CDC14A: variants seen among roughly 807,000 people sequenced by gnomAD.
The protein encoded by CDC14A is cell division cycle 14A.
Under a neutral mutation model 74.4 loss-of-function variants are expected in CDC14A, and 53 were observed. The observed-to-expected ratio is 0.71, with a 90% CI of 0.57 to 0.89. The LOEUF (loss-of-function observed/expected upper bound fraction) is 0.89, where lower values mean the gene tolerates loss of function less well. Ranked by LOEUF, CDC14A falls within the 40% of genes least tolerant of loss-of-function variation. The pLI, the probability that CDC14A is intolerant of heterozygous loss-of-function variation, is 0.00. For missense variants in CDC14A, 646 were observed against 713.7 expected, an observed-to-expected ratio of 0.91 and a Z score of 1.08; for synonymous variants, 247 against 258.4, an observed-to-expected ratio of 0.96 and a Z score of 0.43.
chr1:100,355,678 T>G (rs1651780678), intron 2 of CDC14A, among the ~76,000 whole-genome samples: 1 of 152,186 alleles, frequency 6.6e-6, no homozygotes, highest in Admixed American at 6.5e-5. Flanking sequence ...GAACTTACCC[T>G]ACTGTGCCAC....
chr1:100,399,355 G>A (rs1466828603), intron 4 of CDC14A, among the ~76,000 whole-genome samples: 1 of 151,836 alleles, frequency 6.6e-6, no homozygotes, highest in Non-Finnish European at 1.5e-5. Flanking sequence ...TTCTTTTCGT[G>A]GATTTTTGTC....
At chr1:100,377,758 A>G (rs1042491136) in intron 3 of CDC14A, 137 bp downstream of exon 3, 1 of 606,452 alleles carries the variant, frequency 1.6e-6, no homozygotes, top group Non-Finnish European at 2.9e-6. Flanking sequence ...GTTCACCTAG[A>G]GTTTGAAAGT....
chr1:100,499,216 C>A lies in CDC14A; in HGVS notation c.1709C>A (p.Thr570Asn). 3 of 1,614,204 alleles carry A rather than the reference C, an allele frequency of 1.9e-6. No homozygotes were observed. Among genetic ancestry groups the A allele is most frequent in the Non-Finnish European group, 2.5e-6 (3 of 1,180,030 alleles). ...ACCACCATCCTCCGACCCTCCTACACCGGGCTTTCTTCTTCTTCAGCGAGA... is the reference window on the plus strand; with the variant it reads ...ACCACCATCCTCCGACCCTCCTACAACGGGCTTTCTTCTTCTTCAGCGAGA... ...EHTTILRPSY[T>N]GLSSSSARFL... is the part of the protein sequence containing the mutation. The change falls in exon 15 of 16, where the codon ACC becomes AAC. Residue 570 changes from threonine (T) to asparagine (N), a missense_variant. Coordinates refer to ENST00000336454, the MANE Select transcript of CDC14A (RefSeq NM_003672.4).
At chr1:100,505,081 G>A (rs947272100) in intron 15 of CDC14A, 2 of 770,006 alleles carry the variant, frequency 2.6e-6, no homozygotes, top group African/African-American at 1.8e-5. Context: ...ATTTCAAAAA[G>A]TTCTTTTATA....
chr1:100,396,494 C>T (rs557557069), intron 4 of CDC14A, among the ~76,000 whole-genome samples: 13 of 152,198 alleles, frequency 8.5e-5, no homozygotes, highest in South Asian at 4.1e-4. Context: ...TGAAGTTGGA[C>T]GTAAGGTATA....
chr1:100,484,531 C>T, intron 11 of CDC14A, 80 bp downstream of exon 11: 1 of 1,401,620 alleles, frequency 7.1e-7, no homozygotes, highest in Non-Finnish European at 9.3e-7. Flanking sequence ...TATAACATAG[C>T]AGTGTCTTTT....
At chr1:100,345,352 T>C (rs974091899) in intron 1 of CDC14A, 1 of 152,224 alleles carries the variant, frequency 6.6e-6, no homozygotes, top group African/African-American at 2.4e-5. Flanking sequence ...TTAATATAAA[T>C]GCTAGGCTGT....
chr1:100,435,991 T>C (rs1664285358), intron 5 of CDC14A, among the ~76,000 whole-genome samples: 1 of 152,224 alleles, frequency 6.6e-6, no homozygotes, highest in Non-Finnish European at 1.5e-5. Context: ...GTTTAAATTC[T>C]GTTGGAAAGG....
At position 100,519,534 on chromosome 1, in the gene CDC14A, A is replaced by G. The variant is rs747469584; in HGVS notation, c.*1254A>G. 3 of 152,376 alleles carry G rather than the reference A, an allele frequency of 2.0e-5. No individual in the cohort carries two copies. Among genetic ancestry groups the G allele is most frequent in the Non-Finnish European group, 4.4e-5 (3 of 68,000 alleles). The allele number at this position is 152,376 out of a possible 1,614,324, so 9.4% of individuals were successfully genotyped here. On this transcript the variant is annotated 3_prime_UTR_variant, in exon 16 of 16. Transcript: ENST00000336454. ...GAAAGTGCTAGTTAAATGGATTCAT[A>G]TGAAGTGCTTTACTCCCAACCATTG...
intron 4 of CDC14A, among the ~76,000 whole-genome samples, chr1:100,416,802 C>CG (rs1661588065): frequency 6.6e-6 from 1 of 152,160 alleles, no homozygotes; most frequent in Admixed American, 6.5e-5. Flanking sequence ...TTCTTCCCGA[C>CG]AAACAACCTT....
intron 4 of CDC14A, among the ~76,000 whole-genome samples, chr1:100,394,547 A>G (rs900856082): frequency 5.9e-5 from 9 of 152,334 alleles, no homozygotes; most frequent in Admixed American, 2.0e-4. Context: ...ACTCTGTGAC[A>G]AAATATGTCT....
Position 100,352,927 on chromosome 1 carries a change from GC to G in CDC14A, c.-25del. ...AGTGACTTCAGCTGGCCACGACCCA[GC>G]CCTCCCCCGTGCGTATCTCGCTTAA... On this transcript the variant is annotated 5_prime_UTR_variant, in exon 1 of 16. The change abolishes the stop of an existing upstream ORF in the 5' untranslated region. Coordinates refer to ENST00000336454, the MANE Select transcript of CDC14A (RefSeq NM_003672.4). 2 of 1,613,576 alleles carry G rather than the reference GC, an allele frequency of 1.2e-6. No homozygotes were observed. Among genetic ancestry groups the G allele is most frequent in the Non-Finnish European group, 1.7e-6 (2 of 1,179,962 alleles).
At chr1:100,386,347 AC>A (rs1374971929) in intron 3 of CDC14A, among the ~76,000 whole-genome samples, 5 of 152,158 alleles carry the variant, frequency 3.3e-5, no homozygotes, top group African/African-American at 7.2e-5. Flanking sequence ...TTATATTTAC[AC>A]TGTATTTATT....
intron 9 of CDC14A, among the ~76,000 whole-genome samples, chr1:100,464,490 G>A (rs1385676107): frequency 3.9e-5 from 6 of 152,224 alleles, no homozygotes; most frequent in African/African-American, 1.4e-4. Context: ...AAGCCCACAT[G>A]TCACGTATTT....
chr1:100,487,237 C>G (rs1670106537), intron 11 of CDC14A, among the ~76,000 whole-genome samples: 1 of 152,170 alleles, frequency 6.6e-6, no homozygotes, highest in Admixed American at 6.5e-5. Context: ...CTAGGAAGCT[C>G]TGTATTACCA....
At chr1:100,439,273 C>T (rs1418122800) in intron 5 of CDC14A, among the ~76,000 whole-genome samples, 1 of 152,034 alleles carries the variant, frequency 6.6e-6, no homozygotes, top group Non-Finnish European at 1.5e-5. Context: ...TGTTTTCTTT[C>T]TTTTCTTTTC....
chr1:100,420,059 C>CATATATATATATATATAT (rs1324396801), intron 4 of CDC14A, among the ~76,000 whole-genome samples: 6 of 24,304 alleles, frequency 2.5e-4, no homozygotes, highest in South Asian at 1.6e-3. Flanking sequence ...CACACACACA[C>CATATATATATATATATAT]ACACATATAT....
At chr1:100,496,519 G>T (rs544324160) in intron 13 of CDC14A, among the ~76,000 whole-genome samples, 1 of 152,076 alleles carries the variant, frequency 6.6e-6, no homozygotes, top group South Asian at 2.1e-4. Context: ...GTGGAAAAAT[G>T]TCCCCTGAAA....
upstream of CDC14A, chr1:100,351,730 C>T: frequency 1.3e-6 from 2 of 1,550,096 alleles, no homozygotes; most frequent in South Asian, 1.2e-5. Context: ...ACATTGGCGG[C>T]CCAGATGAGA....
Sources: gnomAD v4.1 joint callset for allele counts (sites outside exome capture counted in the v4.1 genomes callset) on GRCh38, gnomAD v4.1.1 for gene constraint, MANE v1.5 for transcripts, NCBI Gene and HGNC (gene_info 2026-07-23, HGNC 2026-07-21) for gene names.